TRIM6: variants seen among roughly 807,000 people sequenced by gnomAD.
TRIM6 encodes tripartite motif containing 6.
A neutral mutation model predicts 51.2 loss-of-function variants in TRIM6; 43 were observed. That is an observed-to-expected ratio of 0.84 (90% CI 0.66 to 1.08). The LOEUF (loss-of-function observed/expected upper bound fraction) is 1.08. TRIM6 is among the 50% of genes least tolerant of loss of function. The pLI is 0.00. For synonymous variants in TRIM6, 215 were observed against 232.4 expected, an observed-to-expected ratio of 0.93 and a Z score of 0.68; for missense variants, 669 against 619.0, an observed-to-expected ratio of 1.08 and a Z score of -0.86.
chr11:5,611,152 T>G lies in TRIM6; in HGVS notation c.1361T>G (p.Met454Arg). The change falls in exon 8 of 8, where the codon ATG (methionine) becomes AGG (arginine). Residue 454 changes from methionine to arginine, a missense_variant. By Grantham distance (91) the Met-to-Arg change is moderately conservative. Transcript: ENST00000380097. ...TCTTCCCCTTCCCTGCTTCTCTCCA[T>G]GACAGTGCCCCCTCGCCGTGTTGGG... ...EDSSPSLLLS[M>R]TVPPRRVGVF... The G allele has an allele frequency of 6.2e-7, 1 of 1,614,200 alleles. No individual in the cohort carries two copies. Among genetic ancestry groups the G allele is most frequent in the Admixed American group, 1.7e-5 (1 of 60,016 alleles).
At chr11:5,597,353 T>TA (rs894230372) in intron 1 of TRIM6, among the ~76,000 whole-genome samples, 2 of 152,238 alleles carry the variant, frequency 1.3e-5, no homozygotes, top group African/African-American at 2.4e-5. Context: ...TGCCTAGCTT[T>TA]AAAAAAATGC....
intron 2 of TRIM6, among the ~76,000 whole-genome samples, chr11:5,604,133 TG>T (rs1198654762): frequency 2.0e-5 from 3 of 152,138 alleles, no homozygotes; most frequent in Non-Finnish European, 2.9e-5. Flanking sequence ...TAGCTAGGAC[TG>T]TAGGTGTGCA....
chr11:5,611,034 C>CA lies in TRIM6; in HGVS notation c.1247dup (p.Asn416LysfsTer22). The CA allele has an allele frequency of 6.2e-7, 1 of 1,614,170 alleles. No homozygotes were observed. The highest frequency in any genetic ancestry group is 8.5e-7 in the Non-Finnish European group (1 of 1,180,036). ...TACATTCTCTTTCAACCATTTTGCT[C>CA]AAAATCACAGTGCTTACTCCAGGTA... On this transcript the variant is annotated frameshift_variant, in exon 8 of 8. Coordinates refer to ENST00000380097, the MANE Select transcript of TRIM6 (RefSeq NM_001003818.3). LOFTEE classifies it high-confidence loss of function.
chr11:5,606,300 A>T (rs1848204024), intron 4 of TRIM6, among the ~76,000 whole-genome samples: 1 of 151,308 alleles, frequency 6.6e-6, no homozygotes, highest in South Asian at 2.1e-4. Context: ...TAGGTCGCAG[A>T]TTACAAGGTA....
chr11:5,600,198 C>A (rs188009228), intron 1 of TRIM6, among the ~76,000 whole-genome samples: 7 of 152,098 alleles, frequency 4.6e-5, no homozygotes, highest in Non-Finnish European at 8.8e-5. Context: ...CTGCAGCCTG[C>A]GTATCTGCAT....
chr11:5,607,169 A>G (rs370895257), intron 4 of TRIM6, among the ~76,000 whole-genome samples: 157 of 152,224 alleles, frequency 1.0e-3, no homozygotes, highest in African/African-American at 3.6e-3. Context: ...GCACCACTGC[A>G]CTCCAGCCTG....
chr11:5,604,442 G>T (rs1478895247), intron 2 of TRIM6, 92 bp from the exon 3 acceptor site: 6 of 1,381,028 alleles, frequency 4.3e-6, no homozygotes, highest in African/African-American at 1.5e-5. Context: ...CTTCTTTTGA[G>T]GTTAGCAGAA....
chr11:5,604,760 C>A, intron 3 of TRIM6, 131 bp downstream of exon 3: 1 of 893,256 alleles, frequency 1.1e-6, no homozygotes. Flanking sequence ...TTGCCTGGTC[C>A]TCCACTATAT....
chr11:5,603,870 TAAG>T (rs772362310), intron 2 of TRIM6, 135 bp downstream of exon 2: 1 of 1,423,840 alleles, frequency 7.0e-7, no homozygotes, highest in Non-Finnish European at 9.3e-7. Flanking sequence ...CCTCCCTGAT[TAAG>T]AATAGATTCT....
At chr11:5,598,299 T>C in intron 1 of TRIM6, among the ~76,000 whole-genome samples, 2 of 152,160 alleles carry the variant, frequency 1.3e-5, no homozygotes, top group East Asian at 3.8e-4. Flanking sequence ...AACTGTATGC[T>C]CCCCTCCTTC....
At chr11:5,602,873 G>A (rs1484736531) in intron 1 of TRIM6, among the ~76,000 whole-genome samples, 1 of 152,100 alleles carries the variant, frequency 6.6e-6, no homozygotes, top group African/African-American at 2.4e-5. Context: ...AGAATTGCTT[G>A]AACCTGGGAG....
intron 4 of TRIM6, among the ~76,000 whole-genome samples, chr11:5,607,265 T>A (rs12278274): frequency 6.6e-6 from 1 of 151,954 alleles, no homozygotes; most frequent in African/African-American, 2.4e-5. Context: ...AAAGCCAACA[T>A]AAGAGAAGTA....
Position 5,607,860 on chromosome 11 carries a change from G to C in TRIM6, c.835-512G>C, listed in dbSNP as rs535867640. 1.3e-5 allele frequency among the ~76,000 whole-genome samples: 2 copies of C among 152,180 alleles called. 1 individual carries two copies. Among genetic ancestry groups the C allele is most frequent in the South Asian group, 4.1e-4 (2 of 4,826 alleles). ...TTAATCAAAATCATAAGGAAAGGGG[G>C]CTGAGCAGAAGTACAGATTTGAGAA... On this transcript the variant is annotated intron_variant, in intron 4 of 7. Coordinates refer to ENST00000380097, the MANE Select transcript of TRIM6 (RefSeq NM_001003818.3).
chr11:5,608,144 A>G (rs1356648830), intron 4 of TRIM6, among the ~76,000 whole-genome samples: 1 of 152,206 alleles, frequency 6.6e-6, no homozygotes, highest in Non-Finnish European at 1.5e-5. Flanking sequence ...ATGCACACAC[A>G]CAATGTTGTG....
intron 1 of TRIM6, among the ~76,000 whole-genome samples, chr11:5,597,526 C>T (rs975426234): frequency 1.3e-5 from 2 of 152,056 alleles, no homozygotes; most frequent in Non-Finnish European, 2.9e-5. Context: ...TTAAATATAA[C>T]CCTACACAAA....
chr11:5,603,291 A>T lies in TRIM6; in HGVS notation c.63A>T (p.Ala21=), dbSNP rs61758095. ...TCTTAGAAATCAGGGTTGGGCAGGC[A>T]GGAGCCAGGAGAGTAGCTACAATGA... ...GNILEIRVGQ[A]GARRVATMTS... is the part of the protein sequence containing the mutation. Residue 21 remains alanine, a synonymous_variant, in exon 2 of 8, where the codon GCA becomes GCT. Coordinates refer to ENST00000380097, the MANE Select transcript of TRIM6 (RefSeq NM_001003818.3). 1.2e-6 allele frequency: 2 copies of T among 1,613,970 alleles called. No homozygotes were observed. Among genetic ancestry groups the T allele is most frequent in the African/African-American group, 2.7e-5 (2 of 74,910 alleles).
chr11:5,599,624 C>T (rs1197740766), intron 1 of TRIM6, among the ~76,000 whole-genome samples: 3 of 152,054 alleles, frequency 2.0e-5, no homozygotes, highest in African/African-American at 4.8e-5. Context: ...AGGATGGTCT[C>T]GATCTCCTGA....
At chr11:5,603,146 C>T (rs1847970063) in intron 1 of TRIM6, 100 bp from the exon 2 acceptor site, 5 of 1,511,728 alleles carry the variant, frequency 3.3e-6, no homozygotes, top group Admixed American at 2.3e-5. Flanking sequence ...CCTTGTTACC[C>T]CAGGTGTCTG....
Position 5,603,572 on chromosome 11 carries a change from G to T in TRIM6, c.344G>T (p.Gly115Val), listed in dbSNP as rs753129815. Residue 115 changes from glycine to valine, a missense_variant, in exon 2 of 8, where the codon GGC (glycine) becomes GTC (valine). Transcript: ENST00000380097. ...IVRRLREVVL[G>V]PGKQLKAVLC... ...AGGCGGCTCAGAGAGGTAGTGTTGGGCCCTGGGAAGCAGCTGAAAGCAGTT... is the reference window on the plus strand; with the variant it reads ...AGGCGGCTCAGAGAGGTAGTGTTGGTCCCTGGGAAGCAGCTGAAAGCAGTT... The T allele has an allele frequency of 1.9e-6, 3 of 1,613,908 alleles. No individual in the cohort carries two copies. The highest frequency in any genetic ancestry group is 1.7e-5 in the Admixed American group (1 of 59,966).
Sources: allele counts gnomAD v4.1 joint callset (sites outside exome capture counted in the v4.1 genomes callset), GRCh38; gene constraint gnomAD v4.1.1; transcripts MANE v1.5; gene names NCBI Gene and HGNC (gene_info 2026-07-23, HGNC 2026-07-21).